Variants in STAM observed in about 807,000 individuals in gnomAD.
The protein encoded by STAM is signal transducing adapter molecule 1.
In STAM, 16 loss-of-function variants were observed where a neutral mutation model predicts 63.4. The ratio of observed to expected loss-of-function variants is 0.25; its 90% CI spans 0.17 to 0.38. STAM has a LOEUF of 0.38. Ranked by LOEUF, STAM falls within the 10% of genes least tolerant of loss-of-function variation. The pLI, the probability that STAM is intolerant of heterozygous loss-of-function variation, is 1.00. For missense variants in STAM, 636 were observed against 657.1 expected, an observed-to-expected ratio of 0.97 and a Z score of 0.35; for synonymous variants, 238 against 223.9, an observed-to-expected ratio of 1.06 and a Z score of -0.56.
At chr10:17,704,805 CT>C in intron 10 of STAM, among the ~76,000 whole-genome samples, 164 bp from the exon 11 acceptor site, 1 of 152,166 alleles carries the variant, frequency 6.6e-6, no homozygotes, top group Non-Finnish European at 1.5e-5. Flanking sequence ...CACCATTATA[CT>C]TTAAGAAAAT....
intron 12 of STAM, 56 bp downstream of exon 12, chr10:17,705,797 G>A: frequency 1.3e-6 from 2 of 1,548,848 alleles, no homozygotes; most frequent in Non-Finnish European, 1.8e-6. Context: ...GTGAGGTGTG[G>A]TAGCTCATGC....
chr10:17,713,290 G>A (rs1311034132), intron 13 of STAM, among the ~76,000 whole-genome samples: 1 of 152,152 alleles, frequency 6.6e-6, no homozygotes, highest in Non-Finnish European at 1.5e-5. Flanking sequence ...GGGACCTCAT[G>A]AAGCCCGGTG....
intron 13 of STAM, among the ~76,000 whole-genome samples, chr10:17,710,579 C>T (rs1836512100): frequency 6.6e-6 from 1 of 152,234 alleles, no homozygotes; most frequent in African/African-American, 2.4e-5. Context: ...TGCTTTTCCA[C>T]CTCTCAGCAC....
rs1163507767 is a variant in STAM at position 17,694,926 on chromosome 10, A to G, written c.536-123A>G. The G allele has an allele frequency of 1.0e-5, 8 of 798,982 alleles. No individual in the cohort carries two copies. In the Admixed American group the frequency reaches 2.5e-4, roughly 25 times the overall value. The allele number at this position is 798,982 out of a possible 1,614,324, so 49.5% of individuals were successfully genotyped here. A position where few individuals can be genotyped will look rare whatever the true frequency, so the allele number is the denominator to read the frequency against. On this transcript the variant is annotated intron_variant, in intron 6 of 13. Coordinates refer to ENST00000377524, the MANE Select transcript of STAM (RefSeq NM_003473.4). ...TGATTTTTGTTCAATGTATCAGGAT[A>G]TGTTCTAGTTTCTAACTATACTATT...
At chr10:17,700,770 A>C (rs11254737) in intron 9 of STAM, among the ~76,000 whole-genome samples, 60,759 of 151,358 alleles carry the variant, frequency 0.4, 12,700 homozygotes, top group South Asian at 0.53. Flanking sequence ...AGCATACTCA[A>C]CAAGGATATT....
chr10:17,704,344 A>T, intron 9 of STAM, 87 bp from the exon 10 acceptor site: 1 of 1,191,026 alleles, frequency 8.4e-7, no homozygotes, highest in East Asian at 2.3e-5. Context: ...TATGAATTTC[A>T]AAAGTTTGTC....
In STAM at chr10:17,662,417, ACT is replaced by A. The variant is rs569257250; in HGVS notation, c.125+1870_125+1871del. Among the ~76,000 whole-genome samples, 315 of 152,180 alleles carry A rather than the reference ACT, an allele frequency of 2.1e-3. 2 individuals carry two copies. Among genetic ancestry groups the A allele is most frequent in the African/African-American group, 7.3e-3 (303 of 41,510 alleles). On this transcript the variant is annotated intron_variant, in intron 2 of 13. Coordinates refer to ENST00000377524, the MANE Select transcript of STAM (RefSeq NM_003473.4). ...CACAAAGCCTTTCCTTATCCCCTTT[ACT>A]GACAATGGTATGATCCTCTGAATCC...
intron 1 of STAM, among the ~76,000 whole-genome samples, chr10:17,646,976 C>G (rs982636019): frequency 3.3e-5 from 5 of 152,196 alleles, no homozygotes; most frequent in Admixed American, 6.5e-5. Context: ...CAGAAATTCA[C>G]TGACTGATTT....
intron 2 of STAM, among the ~76,000 whole-genome samples, chr10:17,663,900 A>G (rs1318112885): frequency 6.6e-6 from 1 of 152,052 alleles, no homozygotes; most frequent in Non-Finnish European, 1.5e-5. Context: ...TGGTAAACAT[A>G]AGGGTCATAT....
chr10:17,694,003 CCT>C (rs1835653505), intron 6 of STAM, among the ~76,000 whole-genome samples: 1 of 151,974 alleles, frequency 6.6e-6, no homozygotes, highest in Non-Finnish European at 1.5e-5. Flanking sequence ...AAAATGATGT[CCT>C]GTTATTTTAA....
intron 2 of STAM, among the ~76,000 whole-genome samples, chr10:17,679,133 G>T (rs187681766): frequency 6.6e-6 from 1 of 152,116 alleles, no homozygotes; most frequent in Admixed American, 6.5e-5. Context: ...ATTTTTTGAG[G>T]AACTACCACA....
At position 17,704,935 on chromosome 10, in the gene STAM, A is replaced by G. The variant is rs181904828; in HGVS notation, c.1001-35A>G. The stretch of plus-strand genomic sequence containing the variant: ...AAAGGTTCACATTTTTTTTTCTTGT[A>G]CTTTCTTATATTTCTTCACATCTTG... On this transcript the variant is annotated intron_variant, in intron 10 of 13. Transcript: ENST00000377524. The G allele has an allele frequency of 7.2e-5, 113 of 1,565,114 alleles. No homozygotes were observed. The African/African-American group carries it at 1.4e-3, about 19-fold the overall frequency.
At chr10:17,687,409 C>T (rs528781077) in intron 4 of STAM, among the ~76,000 whole-genome samples, 6 of 152,074 alleles carry the variant, frequency 3.9e-5, no homozygotes, top group Admixed American at 6.5e-5. Flanking sequence ...CCCCCACCCC[C>T]CTCTGGGAGG....
In STAM at chr10:17,705,179, C is replaced by G. The variant is rs186972744; in HGVS notation, c.1055+155C>G. On this transcript the variant is annotated intron_variant, in intron 11 of 13. Transcript: ENST00000377524. ...TGTGCTAGATGTGGAGAATTAGACT[C>G]ATTTGTCCTTTTTTTTAAAGTGAGG... Among the ~76,000 whole-genome samples the G allele has an allele frequency of 3.2e-3, 487 of 152,238 alleles. 10 individuals are homozygous for G. Among genetic ancestry groups the G allele is most frequent in the Non-Finnish European group, 7.1e-4 (48 of 68,016 alleles).
At chr10:17,654,245 C>T (rs1016251268) in intron 1 of STAM, among the ~76,000 whole-genome samples, 14 of 151,804 alleles carry the variant, frequency 9.2e-5, no homozygotes, top group East Asian at 7.7e-4. Flanking sequence ...ATTTTTGAGA[C>T]GGAGGCTTGC....
intron 1 of STAM, among the ~76,000 whole-genome samples, chr10:17,650,454 A>G (rs1477733166): frequency 6.6e-6 from 1 of 152,182 alleles, no homozygotes; most frequent in Non-Finnish European, 1.5e-5. Context: ...CTTCTCAATT[A>G]TGCTTTTTGT....
intron 2 of STAM, chr10:17,673,127 T>G (rs1291519979): frequency 2.8e-6 from 2 of 719,820 alleles, no homozygotes; most frequent in African/African-American, 3.9e-5. Flanking sequence ...ACGTGCAGAT[T>G]TTCTCTTACC....
At chr10:17,714,312 A>AC (rs376861625) in intron 13 of STAM, among the ~76,000 whole-genome samples, 1,560 of 149,910 alleles carry the variant, frequency 0.01, 21 homozygotes, top group African/African-American at 0.035. Flanking sequence ...TCCGCAAACC[A>AC]CCCCCCCCAA....
chr10:17,700,406 C>A, intron 9 of STAM, 127 bp downstream of exon 9: 1 of 675,542 alleles, frequency 1.5e-6, no homozygotes, highest in Non-Finnish European at 2.4e-6. Context: ...TATAAAAATT[C>A]AAGCAATATA....
Sources: gnomAD v4.1 joint callset for allele counts (sites outside exome capture counted in the v4.1 genomes callset) on GRCh38, gnomAD v4.1.1 for gene constraint, MANE v1.5 for transcripts, NCBI Gene and HGNC (gene_info 2026-07-23, HGNC 2026-07-21) for gene names.